Variants in SLC34A1 observed in about 807,000 individuals in gnomAD.
The protein encoded by SLC34A1 is sodium-dependent phosphate transport protein 2A.
A neutral mutation model predicts 51.4 loss-of-function variants in SLC34A1; 57 were observed. The observed-to-expected ratio is 1.11, with a 90% CI of 0.90 to 1.38. SLC34A1 has a LOEUF of 1.38. Among genes scored for constraint, SLC34A1 ranks in the 40% most tolerant of loss-of-function variants. The pLI, the probability that SLC34A1 is intolerant of heterozygous loss-of-function variation, is 0.00. For synonymous variants in SLC34A1, 368 were observed against 358.0 expected (o/e 1.03, Z -0.32); for missense variants, 796 against 835.6 (o/e 0.95, Z 0.58).
In SLC34A1 at chr5:177,393,638, C is replaced by G. The variant is rs999501003; in HGVS notation, c.937-56C>G. On this transcript the variant is annotated intron_variant, in intron 8 of 12. Transcript: ENST00000324417. ...CATCTCTCCCTAACTCCCATCTCAG[C>G]CCCAACCTCAGGCTGTGTTTTCCTA... is the stretch of plus-strand genomic sequence containing the variant. 4 of 1,566,790 alleles carry G rather than the reference C, an allele frequency of 2.6e-6. No homozygotes were observed. The African/African-American group carries it at 5.4e-5, about 21-fold the overall frequency.
intron 8 of SLC34A1, among the ~76,000 whole-genome samples, chr5:177,393,179 G>A (rs1048927064): frequency 6.6e-6 from 1 of 152,192 alleles, no homozygotes; most frequent in African/African-American, 2.4e-5. Context: ...ACTGACAGTA[G>A]GTGGGCAGAA....
intron 10 of SLC34A1, 48 bp downstream of exon 10, chr5:177,394,243 C>T (rs1198719877): frequency 3.1e-6 from 5 of 1,588,516 alleles, no homozygotes; most frequent in Non-Finnish European, 4.3e-6. Context: ...TGGGCCTTTC[C>T]AGATCCTGCT....
intron 8 of SLC34A1, among the ~76,000 whole-genome samples, chr5:177,391,639 C>A (rs146715525): frequency 6.6e-6 from 1 of 152,232 alleles, no homozygotes; most frequent in East Asian, 1.9e-4. Flanking sequence ...TCTGCAGGGG[C>A]CACTGGTCCT....
At chr5:177,387,343 C>A (rs183944583) in intron 5 of SLC34A1, among the ~76,000 whole-genome samples, 3 of 152,122 alleles carry the variant, frequency 2.0e-5, no homozygotes, top group Non-Finnish European at 4.4e-5. Flanking sequence ...TGCAGTGAGC[C>A]GAGATCATGC....
chr5:177,393,277 G>T (rs1036088924), intron 8 of SLC34A1, among the ~76,000 whole-genome samples: 1 of 152,180 alleles, frequency 6.6e-6, no homozygotes, highest in African/African-American at 2.4e-5. Flanking sequence ...AGCTAAGGGT[G>T]TCTTGGAGGA....
rs1342984536 is a variant in SLC34A1 at position 177,389,518 on chromosome 5, A to C, written c.936+1146A>C. The C allele has an allele frequency of 1.0e-5, 13 of 1,289,124 alleles. No homozygotes were observed. The East Asian group carries it at 1.3e-4, about 13-fold the overall frequency. 79.9% of individuals were successfully genotyped at this position (1,289,124 alleles called of 1,614,324 possible). A position where few individuals can be genotyped will look rare whatever the true frequency, so the allele number is the denominator to read the frequency against. On this transcript the variant is annotated intron_variant, in intron 8 of 12. Coordinates refer to ENST00000324417, the MANE Select transcript of SLC34A1 (RefSeq NM_003052.5). ...TCAAAGCAGCCTTACATAAAAAAAA[A>C]CCCCTGCGGGCAGCTTTTACGCTGA...
In SLC34A1 at chr5:177,386,606, C is replaced by G; in HGVS notation, c.532+40C>G. 6.2e-7 allele frequency: 1 copy of G among 1,611,702 alleles called. No individual in the cohort carries two copies. Among genetic ancestry groups the G allele is most frequent in the Non-Finnish European group, 8.5e-7 (1 of 1,179,592 alleles). On this transcript the variant is annotated intron_variant, in intron 5 of 12. Transcript: ENST00000324417. The surrounding 1 kb of genome is among the most constrained non-coding windows in gnomAD (Gnocchi z 4.8). The stretch of plus-strand genomic sequence containing the variant: ...CAGGGTGGGGAAGAGCTTGGAGGGG[C>G]ACCCCAGGAGCTGGGAAGGGTGGCA...
At position 177,388,410 on chromosome 5, in the gene SLC34A1, T is replaced by G; in HGVS notation, c.936+38T>G. 1 of 1,498,678 alleles carries G rather than the reference T, an allele frequency of 6.7e-7. No individual in the cohort carries two copies. 92.8% of individuals were successfully genotyped at this position (1,498,678 alleles called of 1,614,324 possible). A position where few individuals can be genotyped will look rare whatever the true frequency, so the allele number is the denominator to read the frequency against. On this transcript the variant is annotated intron_variant, in intron 8 of 12. Transcript: ENST00000324417. This position sits in a 1 kb window ranked among gnomAD's most constrained non-coding sequence, Gnocchi z 4.3. ...CCTAACCCCAGGTAAGAGGACTCCC[T>G]CTTCAGACTCTTGGTTTCATTGTCT...
intron 8 of SLC34A1, among the ~76,000 whole-genome samples, chr5:177,392,896 T>C (rs1762851108): frequency 6.6e-6 from 1 of 152,226 alleles, no homozygotes; most frequent in Admixed American, 6.5e-5. Context: ...ATTACAGCCA[T>C]GAGCCACACT....
At chr5:177,397,222 T>C (rs921043842) in intron 12 of SLC34A1, 148 bp downstream of exon 12, 2 of 966,538 alleles carry the variant, frequency 2.1e-6, no homozygotes, top group East Asian at 5.3e-5. Context: ...ATGGGCAAAG[T>C]AGACCCAATA....
Position 177,398,172 on chromosome 5 carries a change from G to A in SLC34A1, c.1806G>A (p.Arg602=). ...LITRATLCCA[R]PEPRSPPLPP... ...CCCGCGCCACCCTATGCTGTGCCAG[G>A]CCTGAGCCCCGCTCACCCCCGCTGC... is the stretch of plus-strand genomic sequence containing the variant. Residue 602 remains arginine (R), a synonymous_variant, in exon 13 of 13, where the codon AGG becomes AGA. Transcript: ENST00000324417. This position sits in a 1 kb window ranked among gnomAD's most constrained non-coding sequence, Gnocchi z 4.7. 6.2e-7 allele frequency: 1 copy of A among 1,612,468 alleles called. No homozygotes were observed. Among genetic ancestry groups the A allele is most frequent in the Non-Finnish European group, 8.5e-7 (1 of 1,179,802 alleles).
intron 10 of SLC34A1, among the ~76,000 whole-genome samples, chr5:177,395,861 T>C (rs568832786): frequency 1.3e-5 from 2 of 152,342 alleles, no homozygotes; most frequent in African/African-American, 4.8e-5. Flanking sequence ...CTTGAATACC[T>C]GGCCTCAAGT....
rs534310244 is a variant in SLC34A1 at position 177,397,013 on chromosome 5, C to G, written c.1355C>G (p.Thr452Ser). The G allele has an allele frequency of 6.2e-7, 1 of 1,614,148 alleles. No homozygotes were observed. The highest frequency in any genetic ancestry group is 1.1e-5 in the South Asian group (1 of 91,086). The change falls in exon 12 of 13, where the codon ACC becomes AGC. Residue 452 changes from threonine (T) to serine (S), a missense_variant. Thr to Ser is a moderately conservative substitution (Grantham distance 58, BLOSUM62 1). Coordinates refer to ENST00000324417, the MANE Select transcript of SLC34A1 (RefSeq NM_003052.5). ...PLTLGSNIGTTTTAILAALAS... is the reference protein window; with the variant it reads ...PLTLGSNIGTSTTAILAALAS... ...ACACTGGGTTCCAACATCGGCACCA[C>G]CACCACGGCCATCCTGGCTGCCCTG...
Position 177,398,105 on chromosome 5 carries a change from C to T in SLC34A1, c.1739C>T (p.Pro580Leu). The T allele has an allele frequency of 6.2e-7, 1 of 1,611,748 alleles. No individual in the cohort carries two copies. The highest frequency in any genetic ancestry group is 8.5e-7 in the Non-Finnish European group (1 of 1,178,156). ...TGGTTACAGACATGGGACTTCCTGC[C>T]TCGCTGGATGCACTCCCTGAAGCCC... ...PKWLQTWDFLPRWMHSLKPLD... is the reference protein window; with the variant it reads ...PKWLQTWDFLLRWMHSLKPLD... Residue 580 changes from proline (P) to leucine (L), a missense_variant, in exon 13 of 13, where the codon CCT becomes CTT. Pro to Leu is a moderately conservative substitution (Grantham distance 98). Coordinates refer to ENST00000324417, the MANE Select transcript of SLC34A1 (RefSeq NM_003052.5). This position sits in a 1 kb window ranked among gnomAD's most constrained non-coding sequence, Gnocchi z 4.7.
At chr5:177,394,685 T>G (rs924401002) in intron 10 of SLC34A1, among the ~76,000 whole-genome samples, 79 of 143,538 alleles carry the variant, frequency 5.5e-4, no homozygotes, top group African/African-American at 1.8e-3. Flanking sequence ...AGTGAGACTT[T>G]GTCTTTTTTT....
At chr5:177,397,528 T>G in intron 12 of SLC34A1, 1 of 584,496 alleles carries the variant, frequency 1.7e-6, no homozygotes, top group Non-Finnish European at 3.1e-6. Context: ...GGGATTCCTG[T>G]GCGAGGGGTC....
intron 10 of SLC34A1, among the ~76,000 whole-genome samples, chr5:177,395,113 A>G (rs1001334035): frequency 1.3e-5 from 2 of 152,126 alleles, no homozygotes; most frequent in African/African-American, 4.8e-5. Flanking sequence ...TTGAGGCCGC[A>G]GTGAGCTATG....
At chr5:177,389,625 T>C in intron 8 of SLC34A1, 1 of 1,537,168 alleles carries the variant, frequency 6.5e-7, no homozygotes, top group East Asian at 2.4e-5. Context: ...ACCACAAGCC[T>C]CTCTACTTCA....
chr5:177,387,212 T>C (rs1438199163), intron 5 of SLC34A1, among the ~76,000 whole-genome samples: 2 of 139,632 alleles, frequency 1.4e-5, no homozygotes, highest in African/African-American at 2.8e-5. Context: ...CTACTAAAAA[T>C]ACAAAAAAAA....
Sources: gnomAD v4.1 joint callset for allele counts (sites outside exome capture counted in the v4.1 genomes callset) on GRCh38, gnomAD v4.1.1 for gene constraint, Gnocchi (gnomAD v3.1) non-coding constraint, MANE v1.5 for transcripts, NCBI Gene and HGNC (gene_info 2026-07-23, HGNC 2026-07-21) for gene names.